The following DDX10 variants were observed in gnomAD, a reference collection of about 807,000 sequenced individuals.
DDX10 encodes DEAD-box helicase 10.
In DDX10, 74 loss-of-function variants were observed where a neutral mutation model predicts 104.3. The observed-to-expected ratio is 0.71, with a 90% CI of 0.59 to 0.86. DDX10 has a LOEUF of 0.86. DDX10 is among the 40% of genes least tolerant of loss of function. The pLI is 0.00. For synonymous variants in DDX10, 351 were observed against 353.4 expected (o/e 0.99, Z 0.08); for missense variants, 952 against 1,040.0 (o/e 0.92, Z 1.16).
chr11:108,729,991 G>T (rs781579648), intron 13 of DDX10: 45 of 153,974 alleles, frequency 2.9e-4, no homozygotes, highest in Non-Finnish European at 3.1e-4. Context: ...TCTGATCGTG[G>T]ATTCTGGATC....
chr11:108,756,194 T>C (rs1054215215), intron 13 of DDX10, among the ~76,000 whole-genome samples: 1 of 152,074 alleles, frequency 6.6e-6, no homozygotes, highest in Non-Finnish European at 1.5e-5. Context: ...ATGTGATTTG[T>C]GTTGGTAAAT....
At chr11:108,844,869 T>C (rs551649787) in intron 15 of DDX10, among the ~76,000 whole-genome samples, 3 of 152,166 alleles carry the variant, frequency 2.0e-5, no homozygotes, top group Non-Finnish European at 4.4e-5. Context: ...TTTTTCTCCC[T>C]GACAAGTCAG....
intron 16 of DDX10, among the ~76,000 whole-genome samples, chr11:108,867,509 A>G (rs919449528): frequency 7.2e-5 from 11 of 152,192 alleles, no homozygotes; most frequent in African/African-American, 2.7e-4. Context: ...ATTAGCTACC[A>G]TAGTCAAGAA....
chr11:108,736,079 C>A (rs2094317947), intron 13 of DDX10, among the ~76,000 whole-genome samples: 1 of 151,742 alleles, frequency 6.6e-6, no homozygotes, highest in Non-Finnish European at 1.5e-5. Flanking sequence ...TTGAAGCAAT[C>A]ACAAACCAAT....
chr11:108,797,416 A>G (rs1304777501), intron 13 of DDX10, among the ~76,000 whole-genome samples: 1 of 152,238 alleles, frequency 6.6e-6, no homozygotes, highest in African/African-American at 2.4e-5. Flanking sequence ...CATCTGATTT[A>G]GGGCATTCTT....
intron 1 of DDX10, among the ~76,000 whole-genome samples, chr11:108,666,988 A>G (rs2094210980): frequency 1.3e-5 from 2 of 152,142 alleles, no homozygotes; most frequent in Admixed American, 6.5e-5. Context: ...ACCTACTCTT[A>G]TATCCAGTCG....
chr11:108,704,547 A>G (rs1163935356), intron 9 of DDX10, among the ~76,000 whole-genome samples: 1 of 152,106 alleles, frequency 6.6e-6, no homozygotes, highest in Non-Finnish European at 1.5e-5. Flanking sequence ...AGAAGTTACG[A>G]CATCTCTCCA....
At chr11:108,845,778 ATATTT>A (rs1425428927) in intron 15 of DDX10, among the ~76,000 whole-genome samples, 1 of 152,186 alleles carries the variant, frequency 6.6e-6, no homozygotes, top group Non-Finnish European at 1.5e-5. Context: ...CATGTTCAAA[ATATTT>A]TATTATATAT....
chr11:108,760,841 A>C (rs1308454392), intron 13 of DDX10, among the ~76,000 whole-genome samples: 1 of 151,962 alleles, frequency 6.6e-6, no homozygotes, highest in Non-Finnish European at 1.5e-5. Flanking sequence ...AAGGAGTTCT[A>C]AGTTTGTTGT....
intron 13 of DDX10, among the ~76,000 whole-genome samples, chr11:108,724,257 A>T (rs983679830): frequency 6.6e-6 from 1 of 152,082 alleles, no homozygotes; most frequent in African/African-American, 2.4e-5. Flanking sequence ...GAAACTTAGA[A>T]GAGTGTTTCT....
chr11:108,836,458 TTTG>T (rs1444441737), intron 13 of DDX10, among the ~76,000 whole-genome samples: 1 of 152,096 alleles, frequency 6.6e-6, no homozygotes, highest in Admixed American at 6.5e-5. Context: ...TTATAGTAGG[TTTG>T]TTATTTTTAA....
At chr11:108,869,247 C>G (rs149263644) in intron 16 of DDX10, among the ~76,000 whole-genome samples, 386 of 151,260 alleles carry the variant, frequency 2.6e-3, no homozygotes, top group Non-Finnish European at 4.4e-3. Flanking sequence ...AAAATTCCAG[C>G]CCATTTACCT....
rs574256609 is a variant in DDX10 at position 108,678,895 on chromosome 11, T to A, written c.658+460T>A. 1.1e-3 allele frequency among the ~76,000 whole-genome samples: 141 copies of A among 133,728 alleles called. 2 individuals carry two copies. The South Asian group carries it at 0.026, about 25-fold the overall frequency. The allele number at this position is 133,728 out of a possible 152,430, so 87.7% of individuals were successfully genotyped here. A position where few individuals can be genotyped will look rare whatever the true frequency, so the allele number is the denominator to read the frequency against. On this transcript the variant is annotated intron_variant, in intron 5 of 17. Transcript: ENST00000322536. ...ATTTTTTTTTTTTTTTTTTTTTTTT[T>A]TATACAGAGTTTCGCTCTGTTGCTA...
chr11:108,688,179 T>TTG (rs2094247290), intron 6 of DDX10, among the ~76,000 whole-genome samples: 1 of 152,152 alleles, frequency 6.6e-6, no homozygotes, highest in African/African-American at 2.4e-5. Context: ...TGCCATATAT[T>TTG]TGTGTGTGTG....
At chr11:108,743,612 A>G (rs1157186652) in intron 13 of DDX10, among the ~76,000 whole-genome samples, 2 of 152,204 alleles carry the variant, frequency 1.3e-5, no homozygotes, top group Non-Finnish European at 2.9e-5. Context: ...GATCAGTAAG[A>G]TCTCAGTGCT....
In DDX10 at chr11:108,673,506, T is replaced by G. The variant is rs777294337; in HGVS notation, c.226T>G (p.Leu76Val). 2.5e-6 allele frequency: 4 copies of G among 1,598,516 alleles called. No individual in the cohort carries two copies. Among genetic ancestry groups the G allele is most frequent in the Non-Finnish European group, 3.4e-6 (4 of 1,167,008 alleles). ...AATCACAAGATTTTCAGATTTTCCC[T>G]TGTCCAAAAAAACATTGAAAGGTAA... ...NEITRFSDFP[L>V]SKKTLKGLQE... The change falls in exon 2 of 18, where the codon TTG (leucine) becomes GTG (valine). Residue 76 changes from leucine (L) to valine (V), a missense_variant. Around this residue, in one of 3 missense-constraint regions of DDX10, gnomAD observed 412 missense variants for 479.2 expected, o/e 0.86. Coordinates refer to ENST00000322536, the MANE Select transcript of DDX10 (RefSeq NM_004398.4).
intron 13 of DDX10, among the ~76,000 whole-genome samples, chr11:108,747,877 CTT>C (rs2094333755): frequency 6.6e-6 from 1 of 152,028 alleles, no homozygotes; most frequent in African/African-American, 2.4e-5. Flanking sequence ...GTTTATCAAA[CTT>C]TTTATAGATC....
rs551653113 is a variant in DDX10, at chr11:108,838,705, A to G, written c.2085+140A>G. The G allele has an allele frequency of 3.1e-5, 30 of 965,004 alleles. No homozygotes were observed. The African/African-American group carries it at 4.6e-4, about 15-fold the overall frequency. 59.8% of individuals were successfully genotyped at this position (965,004 alleles called of 1,614,324 possible). A position where few individuals can be genotyped will look rare whatever the true frequency, so the allele number is the denominator to read the frequency against. ...GGGCCATTCCTTTCACTGTTACTGT[A>G]GGCTGTACATCAGCTCTACTGCTGT... On this transcript the variant is annotated intron_variant, in intron 14 of 17. Transcript: ENST00000322536.
chr11:108,877,960 T>C (rs373844586), intron 16 of DDX10, among the ~76,000 whole-genome samples: 1 of 152,228 alleles, frequency 6.6e-6, no homozygotes, highest in East Asian at 1.9e-4. Flanking sequence ...TTTTTCCTTT[T>C]CTTTATCTTG....
Sources: gnomAD v4.1 joint callset for allele counts (sites outside exome capture counted in the v4.1 genomes callset) on GRCh38, gnomAD v4.1.1 for gene constraint, gnomAD v4.1.1 regional missense constraint, MANE v1.5 for transcripts, NCBI Gene and HGNC (gene_info 2026-07-23, HGNC 2026-07-21) for gene names.